IGF1R: variants seen among roughly 807,000 people sequenced by gnomAD.
IGF1R encodes the protein insulin like growth factor 1 receptor.
Under a neutral mutation model 144.6 loss-of-function variants are expected in IGF1R, and 44 were observed. The observed-to-expected ratio is 0.30, with a 90% CI of 0.24 to 0.39. The LOEUF (loss-of-function observed/expected upper bound fraction) is 0.39. Ranked by LOEUF, IGF1R falls within the 10% of genes least tolerant of loss-of-function variation. IGF1R has a pLI of 1.00. For synonymous variants in IGF1R, 795 were observed against 722.8 expected, an observed-to-expected ratio of 1.10 and a Z score of -1.60; for missense variants, 1,355 against 1,833.7, an observed-to-expected ratio of 0.74 and a Z score of 4.77.
At chr15:98,893,084 C>A (rs2014009011) in intron 3 of IGF1R, among the ~76,000 whole-genome samples, 1 of 152,196 alleles carries the variant, frequency 6.6e-6, no homozygotes, top group South Asian at 2.1e-4. Context: ...CACCAGGGGG[C>A]CTGTCTTTCT....
rs749397555 is a variant in IGF1R at position 98,707,682 on chromosome 15, G to C, written c.215G>C (p.Ser72Thr). ...ATCTCCAAGGCCGAGGACTACCGCAGCTACCGCTTCCCCAAGCTCACGGTC... is the reference window on the plus strand; with the variant it reads ...ATCTCCAAGGCCGAGGACTACCGCACCTACCGCTTCCCCAAGCTCACGGTC... ...LLISKAEDYR[S>T]YRFPKLTVIT... Residue 72 changes from serine to threonine, a missense_variant, in exon 2 of 21, where the codon AGC (serine) becomes ACC (threonine). Physicochemically the swap from Ser to Thr is moderately conservative, Grantham distance 58 (BLOSUM62 1). Around this residue, in one of 7 missense-constraint regions of IGF1R, gnomAD observed 75 missense variants for 160.0 expected, o/e 0.47. Coordinates refer to ENST00000650285, the MANE Select transcript of IGF1R (RefSeq NM_000875.5). This position sits in a 1 kb window ranked among gnomAD's most constrained non-coding sequence, Gnocchi z 6.7. 6.2e-7 allele frequency: 1 copy of C among 1,614,058 alleles called. No individual in the cohort carries two copies. Among genetic ancestry groups the C allele is most frequent in the South Asian group, 1.1e-5 (1 of 91,090 alleles).
chr15:98,663,861 G>C (rs2052660448), intron 1 of IGF1R, among the ~76,000 whole-genome samples: 2 of 152,234 alleles, frequency 1.3e-5, no homozygotes, highest in African/African-American at 4.8e-5. Context: ...AGGGGTGCCA[G>C]CTTCACATCC....
Position 98,957,388 on chromosome 15 carries a change from C to A in IGF1R, c.4050C>A (p.Asn1350Lys), listed in dbSNP as rs771019606. ...AGAGACAGCCTTACGCCCACATGAACGGGGGCCGCAAGAACGAGCGGGCCT... is the reference window on the plus strand; with the variant it reads ...AGAGACAGCCTTACGCCCACATGAAAGGGGGCCGCAAGAACGAGCGGGCCT... ...FDERQPYAHMNGGRKNERALP... is the reference protein window; with the variant it reads ...FDERQPYAHMKGGRKNERALP... The change falls in exon 21 of 21, where the codon AAC (asparagine) becomes AAA (lysine). Residue 1350 changes from asparagine to lysine, a missense_variant. Coordinates refer to ENST00000650285, the MANE Select transcript of IGF1R (RefSeq NM_000875.5). The A allele has an allele frequency of 6.2e-7, 1 of 1,613,294 alleles. No individual in the cohort carries two copies. Among genetic ancestry groups the A allele is most frequent in the African/African-American group, 1.3e-5 (1 of 75,072 alleles).
intron 1 of IGF1R, among the ~76,000 whole-genome samples, chr15:98,698,297 A>C (rs1385449627): frequency 6.6e-6 from 1 of 152,058 alleles, no homozygotes; most frequent in Non-Finnish European, 1.5e-5. Flanking sequence ...TCGGCCTCCC[A>C]AAGTGCTGGG....
intron 20 of IGF1R, among the ~76,000 whole-genome samples, chr15:98,955,402 ATT>A (rs2016939036): frequency 2.0e-5 from 3 of 152,322 alleles, no homozygotes; most frequent in African/African-American, 7.2e-5. Context: ...GTAAATAAAC[ATT>A]TTTAGACTTG....
At chr15:98,900,540 A>G (rs915863728) in intron 5 of IGF1R, 2 of 152,266 alleles carry the variant, frequency 1.3e-5, no homozygotes, top group Non-Finnish European at 2.9e-5. Flanking sequence ...TTCTCAGACT[A>G]ACTCTTGGTC....
At chr15:98,750,576 C>G (rs2051413207) in intron 2 of IGF1R, among the ~76,000 whole-genome samples, 1 of 152,176 alleles carries the variant, frequency 6.6e-6, no homozygotes, top group African/African-American at 2.4e-5. Flanking sequence ...GTAATCCCAG[C>G]TCCTCAGGAG....
At chr15:98,764,320 GTTA>G (rs1047335330) in intron 2 of IGF1R, among the ~76,000 whole-genome samples, 4 of 152,030 alleles carry the variant, frequency 2.6e-5, no homozygotes, top group African/African-American at 9.7e-5. Context: ...GATTTTTTTT[GTTA>G]TTGTGTTTTT....
At chr15:98,767,906 C>T (rs949574159) in intron 2 of IGF1R, among the ~76,000 whole-genome samples, 2 of 152,058 alleles carry the variant, frequency 1.3e-5, no homozygotes, top group African/African-American at 4.8e-5. Flanking sequence ...TGAATACTTG[C>T]GTGTTTGTGT....
At chr15:98,907,036 G>C (rs2014766894) in intron 5 of IGF1R, among the ~76,000 whole-genome samples, 1 of 152,186 alleles carries the variant, frequency 6.6e-6, no homozygotes, top group African/African-American at 2.4e-5. Context: ...AAGTAGACAG[G>C]GAGCTTAGAT....
chr15:98,736,742 G>C (rs2054619762), intron 2 of IGF1R, among the ~76,000 whole-genome samples: 1 of 151,448 alleles, frequency 6.6e-6, no homozygotes, highest in Non-Finnish European at 1.5e-5. Flanking sequence ...CTCCTGATTA[G>C]CTGGGATTAC....
chr15:98,754,739 T>C (rs1452124898), intron 2 of IGF1R, among the ~76,000 whole-genome samples: 1 of 152,198 alleles, frequency 6.6e-6, no homozygotes, highest in Non-Finnish European at 1.5e-5. Flanking sequence ...ATTTGCAGGT[T>C]AGGTGTAAAC....
chr15:98,953,187 C>T (rs960820639), intron 20 of IGF1R: 2 of 152,116 alleles, frequency 1.3e-5, no homozygotes, highest in African/African-American at 2.4e-5. Flanking sequence ...TGAAGGAGCT[C>T]GGTGGCTGCA....
intron 2 of IGF1R, among the ~76,000 whole-genome samples, chr15:98,816,699 A>AT (rs1336681055): frequency 6.6e-6 from 1 of 152,250 alleles, no homozygotes; most frequent in Non-Finnish European, 1.5e-5. Context: ...AAGAATATGA[A>AT]TAGCTACTCG....
At chr15:98,868,324 C>T (rs1341438901) in intron 2 of IGF1R, among the ~76,000 whole-genome samples, 177 of 1,744 alleles carry the variant, frequency 0.1, no homozygotes, top group African/African-American at 0.1. Flanking sequence ...AAGACCTTGT[C>T]TCCAAAAAAA....
intron 2 of IGF1R, among the ~76,000 whole-genome samples, chr15:98,793,379 G>T (rs1432084203): frequency 6.6e-6 from 1 of 152,224 alleles, no homozygotes; most frequent in Non-Finnish European, 1.5e-5. Flanking sequence ...GTTGTATCAG[G>T]GTTTATGAGG....
chr15:98,895,761 A>G (rs1287998581), intron 3 of IGF1R, among the ~76,000 whole-genome samples: 1 of 152,218 alleles, frequency 6.6e-6, no homozygotes, highest in African/African-American at 2.4e-5. Flanking sequence ...TATAATTTAC[A>G]TTGTTTTTCT....
At chr15:98,889,017 C>G (rs991109749) in intron 2 of IGF1R, among the ~76,000 whole-genome samples, 2 of 152,182 alleles carry the variant, frequency 1.3e-5, no homozygotes, top group African/African-American at 4.8e-5. Flanking sequence ...TCTCAGGAGT[C>G]TTCCAGGAAG....
At position 98,821,292 on chromosome 15, in the gene IGF1R, C is replaced by A. The variant is rs527620710; in HGVS notation, c.641-70033C>A. 2.0e-4 allele frequency among the ~76,000 whole-genome samples: 31 copies of A among 151,374 alleles called. No homozygotes were observed. In the East Asian group the frequency reaches 2.6e-3, roughly 13 times the overall value. ...TTATTTTAAACACGCCTCCCCCCCC[C>A]CTTTTTAAACTGATTTTACCATCAC... On this transcript the variant is annotated intron_variant, in intron 2 of 20. Coordinates refer to ENST00000650285, the MANE Select transcript of IGF1R (RefSeq NM_000875.5).
Sources: gnomAD v4.1 joint callset for allele counts (sites outside exome capture counted in the v4.1 genomes callset) on GRCh38, gnomAD v4.1.1 for gene constraint, gnomAD v4.1.1 regional missense constraint, Gnocchi (gnomAD v3.1) non-coding constraint, MANE v1.5 for transcripts, NCBI Gene and HGNC (gene_info 2026-07-23, HGNC 2026-07-21) for gene names.